The following SUGCT variants were observed in gnomAD, a reference collection of about 807,000 sequenced individuals.
SUGCT encodes the protein succinyl-CoA:glutarate-CoA transferase.
A neutral mutation model predicts 55.0 loss-of-function variants in SUGCT; 41 were observed. That is an observed-to-expected ratio of 0.74 (90% CI 0.58 to 0.97). SUGCT has a LOEUF of 0.97. Among genes scored for constraint, SUGCT ranks in the 50% least tolerant of loss-of-function variants. SUGCT has a pLI of 0.00. For missense variants in SUGCT, 568 were observed against 547.8 expected, an observed-to-expected ratio of 1.04 and a Z score of -0.37; for synonymous variants, 187 against 200.4, an observed-to-expected ratio of 0.93 and a Z score of 0.56.
At chr7:40,146,986 G>A (rs1183065172) in intron 1 of SUGCT, among the ~76,000 whole-genome samples, 1 of 151,572 alleles carries the variant, frequency 6.6e-6, no homozygotes, top group Non-Finnish European at 1.5e-5. Context: ...GTCTCTTTCT[G>A]TCTCTTTGAT....
intron 8 of SUGCT, among the ~76,000 whole-genome samples, chr7:40,275,396 A>T (rs1243719982): frequency 6.6e-6 from 1 of 152,218 alleles, no homozygotes; most frequent in South Asian, 2.1e-4. Context: ...AGCTGGTTAT[A>T]CTGAAATATA....
intron 12 of SUGCT, among the ~76,000 whole-genome samples, chr7:40,508,157 C>T (rs1792712386): frequency 6.6e-6 from 1 of 152,172 alleles, no homozygotes; most frequent in Non-Finnish European, 1.5e-5. Flanking sequence ...TCCTGAGTAA[C>T]ATTCCTGCTC....
At chr7:40,554,328 G>T (rs1455528688) in intron 12 of SUGCT, among the ~76,000 whole-genome samples, 1 of 152,180 alleles carries the variant, frequency 6.6e-6, no homozygotes, top group African/African-American at 2.4e-5. Context: ...GAGTTTAGTG[G>T]CATGTAGATT....
At chr7:41,014,637 G>C in the SUGCT span, among the ~76,000 whole-genome samples, 1 of 152,192 alleles carries the variant, frequency 6.6e-6, no homozygotes, top group African/African-American at 2.4e-5. Context: ...TCTCAGAAGA[G>C]GTGTCAAATT....
intron 12 of SUGCT, among the ~76,000 whole-genome samples, chr7:40,579,995 A>C (rs531258890): frequency 6.6e-6 from 1 of 152,320 alleles, no homozygotes. Flanking sequence ...AGTGATATGA[A>C]ACAATCTGCA....
At chr7:40,879,456 C>T in the SUGCT span, among the ~76,000 whole-genome samples, 1 of 152,160 alleles carries the variant, frequency 6.6e-6, no homozygotes, top group Non-Finnish European at 1.5e-5. Flanking sequence ...TACATGCATG[C>T]ATGAGCTTCT....
intron 12 of SUGCT, among the ~76,000 whole-genome samples, chr7:40,587,961 G>T (rs1166503448): frequency 1.4e-5 from 2 of 147,856 alleles, no homozygotes; most frequent in African/African-American, 5.0e-5. Context: ...GGAGTGCAGT[G>T]GTGCAATCAC....
At chr7:40,687,172 GA>G (rs201067432) in intron 12 of SUGCT, among the ~76,000 whole-genome samples, 3 of 151,032 alleles carry the variant, frequency 2.0e-5, no homozygotes, top group African/African-American at 7.3e-5. Context: ...GTTTGTTCTT[GA>G]AAAAAAAATT....
chr7:40,494,442 T>G (rs1791863791), intron 11 of SUGCT, among the ~76,000 whole-genome samples: 1 of 152,236 alleles, frequency 6.6e-6, no homozygotes, highest in African/African-American at 2.4e-5. Flanking sequence ...ATGTAAAGAA[T>G]TGATTAGAGC....
intron 11 of SUGCT, among the ~76,000 whole-genome samples, chr7:40,480,829 C>T (rs149009983): frequency 6.1e-4 from 92 of 151,954 alleles, no homozygotes; most frequent in South Asian, 1.5e-3. Context: ...CAAAAGTGCC[C>T]GGAGAGGTAG....
At chr7:40,584,654 T>G (rs1323919574) in intron 12 of SUGCT, among the ~76,000 whole-genome samples, 3 of 152,194 alleles carry the variant, frequency 2.0e-5, no homozygotes, top group African/African-American at 7.2e-5. Context: ...ATGAATAAAC[T>G]GATGACAGGA....
the SUGCT span, among the ~76,000 whole-genome samples, chr7:40,903,251 C>T: frequency 1.3e-5 from 2 of 152,060 alleles, no homozygotes; most frequent in Non-Finnish European, 2.9e-5. Flanking sequence ...TGCAGCTGGA[C>T]GGAGGTGAGA....
At chr7:40,682,048 A>T (rs1196583218) in intron 12 of SUGCT, among the ~76,000 whole-genome samples, 2 of 152,212 alleles carry the variant, frequency 1.3e-5, no homozygotes, top group African/African-American at 4.8e-5. Context: ...CTGTTGTTTT[A>T]GACTACTATT....
chr7:40,987,776 C>T, the SUGCT span, among the ~76,000 whole-genome samples: 1 of 152,134 alleles, frequency 6.6e-6, no homozygotes, highest in Non-Finnish European at 1.5e-5. Flanking sequence ...TGTTGATATT[C>T]CCACCAGAAA....
intron 12 of SUGCT, among the ~76,000 whole-genome samples, chr7:40,627,859 T>A (rs563251438): frequency 3.9e-4 from 60 of 152,194 alleles, no homozygotes; most frequent in African/African-American, 1.4e-3. Context: ...CTGCCAGGGC[T>A]AAATGGCAGG....
chr7:40,697,275 T>C (rs1035620281), intron 12 of SUGCT, among the ~76,000 whole-genome samples: 8 of 152,200 alleles, frequency 5.3e-5, no homozygotes, highest in African/African-American at 1.9e-4. Flanking sequence ...CTCTAGACTC[T>C]TGACTTACCT....
At chr7:40,376,983 A>C (rs1225620775) in intron 9 of SUGCT, among the ~76,000 whole-genome samples, 1 of 151,346 alleles carries the variant, frequency 6.6e-6, no homozygotes, top group Non-Finnish European at 1.5e-5. Flanking sequence ...GCCAATTTCT[A>C]ATGGTCTTCA....
chr7:40,238,439 T>G (rs11768037), intron 7 of SUGCT, among the ~76,000 whole-genome samples: 113,097 of 151,984 alleles, frequency 0.74, 42,700 homozygotes, highest in East Asian at 0.97. Flanking sequence ...GTGAAAAAAA[T>G]TGTGAAAGCC....
chr7:40,603,458 A>T (rs144667858), intron 12 of SUGCT, among the ~76,000 whole-genome samples: 1 of 152,208 alleles, frequency 6.6e-6, no homozygotes, highest in Admixed American at 6.5e-5. Context: ...GTCTAGTACA[A>T]TGGATTAAAT....
Sources: gnomAD v4.1 joint callset for allele counts (sites outside exome capture counted in the v4.1 genomes callset) on GRCh38, gnomAD v4.1.1 for gene constraint, MANE v1.5 for transcripts, NCBI Gene and HGNC (gene_info 2026-07-23, HGNC 2026-07-21) for gene names.